The following TMEM132B variants were observed in gnomAD, a reference collection of about 807,000 sequenced individuals.
The protein encoded by TMEM132B is transmembrane protein 132B.
Under a neutral mutation model 90.8 loss-of-function variants are expected in TMEM132B, and 18 were observed. That is an observed-to-expected ratio of 0.20 (90% CI 0.14 to 0.29). The LOEUF is 0.29. Among genes scored for constraint, TMEM132B ranks in the 10% least tolerant of loss-of-function variants. TMEM132B has a pLI of 1.00. For missense variants in TMEM132B, 1,096 were observed against 1,326.8 expected (o/e 0.83, Z 2.70); for synonymous variants, 504 against 523.3 (o/e 0.96, Z 0.50).
intron 1 of TMEM132B, among the ~76,000 whole-genome samples, chr12:125,273,740 A>G (rs1874910356): frequency 6.6e-6 from 1 of 152,172 alleles, no homozygotes; most frequent in African/African-American, 2.4e-5. Flanking sequence ...ATCTTGGCTC[A>G]CTGCAAGCTC....
chr12:125,619,724 C>G (rs958248028), intron 5 of TMEM132B, among the ~76,000 whole-genome samples: 3 of 152,170 alleles, frequency 2.0e-5, no homozygotes, highest in Non-Finnish European at 4.4e-5. Flanking sequence ...ATAGTCTATT[C>G]TGAAGAGCCT....
At chr12:125,432,377 ATATATATATATATATATATATG>A (rs1182791888) in intron 3 of TMEM132B, among the ~76,000 whole-genome samples, 1,869 of 64,440 alleles carry the variant, frequency 0.029, 545 homozygotes, top group Middle Eastern at 0.065. Context: ...ATATATATAT[ATATATATATATATATATATATG>A]TATGTATGTG....
chr12:125,299,788 C>A (rs1875771830), intron 1 of TMEM132B, among the ~76,000 whole-genome samples: 1 of 152,228 alleles, frequency 6.6e-6, no homozygotes, highest in African/African-American at 2.4e-5. Context: ...ACTCTTCTCA[C>A]CCTGGTCTAA....
chr12:125,229,377 G>C (rs1229271260), intron 1 of TMEM132B, among the ~76,000 whole-genome samples: 1 of 152,184 alleles, frequency 6.6e-6, no homozygotes, highest in African/African-American at 2.4e-5. Context: ...AGTGCGGTGA[G>C]TCCTGGCCTC....
At chr12:125,431,675 C>G (rs545411181) in intron 3 of TMEM132B, among the ~76,000 whole-genome samples, 1 of 152,308 alleles carries the variant, frequency 6.6e-6, no homozygotes, top group Admixed American at 6.5e-5. Flanking sequence ...AGGACGGTGG[C>G]TTTTGGGTGC....
At chr12:125,389,346 C>T (rs537961424) in intron 2 of TMEM132B, among the ~76,000 whole-genome samples, 13 of 147,774 alleles carry the variant, frequency 8.8e-5, no homozygotes, top group African/African-American at 3.2e-4. Context: ...CCCTCCCCTC[C>T]CCTCAACTCC....
chr12:125,202,053 C>T (rs1252128459), intron 1 of TMEM132B, among the ~76,000 whole-genome samples: 1 of 152,188 alleles, frequency 6.6e-6, no homozygotes, highest in Non-Finnish European at 1.5e-5. Flanking sequence ...AAACTTTCTC[C>T]TCCCCCTCCC....
intron 1 of TMEM132B, among the ~76,000 whole-genome samples, chr12:125,210,968 A>T (rs1205389992): frequency 6.6e-6 from 1 of 151,900 alleles, no homozygotes; most frequent in Non-Finnish European, 1.5e-5. Context: ...GTCTCAAAAG[A>T]GAAAGTACAG....
intron 3 of TMEM132B, among the ~76,000 whole-genome samples, chr12:125,515,906 ACAAAC>A (rs1883141414): frequency 1.8e-5 from 2 of 113,768 alleles, no homozygotes; most frequent in African/African-American, 9.7e-5. Flanking sequence ...ATTTACACAC[ACAAAC>A]ACATGTACAT....
rs116119782 is a variant in TMEM132B, at chr12:125,225,293, G to A, written c.67+38427G>A. ...ACTGGCCACGTAAGCAGGACCAGCC[G>A]CACCATTTGTAAGGCCCAGTGAGAA... On this transcript the variant is annotated intron_variant, in intron 1 of 8. Coordinates refer to ENST00000682704, the MANE Select transcript of TMEM132B (RefSeq NM_001366854.1). 8.3e-3 allele frequency among the ~76,000 whole-genome samples: 1,260 copies of A among 152,312 alleles called. 17 individuals are homozygous for A. Among genetic ancestry groups the A allele is most frequent in the African/African-American group, 0.029 (1,196 of 41,550 alleles).
At chr12:125,513,355 C>A (rs111452411) in intron 3 of TMEM132B, among the ~76,000 whole-genome samples, 86 of 152,038 alleles carry the variant, frequency 5.7e-4, no homozygotes, top group Non-Finnish European at 1.1e-3. Flanking sequence ...TGCGTGTGTG[C>A]GTGTGAGAGA....
At chr12:125,369,550 A>G (rs1369632724) in intron 2 of TMEM132B, among the ~76,000 whole-genome samples, 1 of 152,204 alleles carries the variant, frequency 6.6e-6, no homozygotes, top group African/African-American at 2.4e-5. Flanking sequence ...CCAACATTTG[A>G]TAGGTTGATA....
intron 1 of TMEM132B, among the ~76,000 whole-genome samples, chr12:125,238,056 A>G (rs1472488555): frequency 6.6e-6 from 1 of 151,786 alleles, no homozygotes; most frequent in Non-Finnish European, 1.5e-5. Flanking sequence ...GCACTTATTT[A>G]TTTTTCTAAA....
intron 5 of TMEM132B, among the ~76,000 whole-genome samples, chr12:125,618,179 A>C (rs957245871): frequency 2.6e-5 from 4 of 152,114 alleles, no homozygotes; most frequent in African/African-American, 9.7e-5. Flanking sequence ...TGGGGACACT[A>C]GCCTCTAGTA....
At chr12:125,362,010 C>T (rs1320037811) in intron 2 of TMEM132B, among the ~76,000 whole-genome samples, 1 of 152,194 alleles carries the variant, frequency 6.6e-6, no homozygotes, top group Non-Finnish European at 1.5e-5. Flanking sequence ...ATGCCATGGC[C>T]TTAGCCCCTG....
At chr12:125,540,259 G>T (rs938959629) in intron 4 of TMEM132B, among the ~76,000 whole-genome samples, 1 of 152,050 alleles carries the variant, frequency 6.6e-6, no homozygotes, top group Admixed American at 6.5e-5. Context: ...TAAATGCTCT[G>T]TGCACACTGA....
intron 4 of TMEM132B, among the ~76,000 whole-genome samples, chr12:125,524,757 A>C (rs560236120): frequency 1.3e-5 from 2 of 152,310 alleles, no homozygotes; most frequent in South Asian, 4.2e-4. Context: ...AGGATGGATG[A>C]TGGTAGGTTC....
chr12:125,519,660 A>G (rs1566061559), intron 4 of TMEM132B, 35 bp downstream of exon 4: 9 of 1,609,424 alleles, frequency 5.6e-6, no homozygotes, highest in Non-Finnish European at 7.6e-6. Flanking sequence ...GAAGTGTCAC[A>G]AAGAAGTTTT....
intron 1 of TMEM132B, among the ~76,000 whole-genome samples, chr12:125,239,821 A>T (rs1181178463): frequency 6.6e-6 from 1 of 152,300 alleles, no homozygotes; most frequent in Non-Finnish European, 1.5e-5. Context: ...GTTGGGGGGA[A>T]GTGGAGAGCA....
Sources: gnomAD v4.1 joint callset for allele counts (sites outside exome capture counted in the v4.1 genomes callset) on GRCh38, gnomAD v4.1.1 for gene constraint, MANE v1.5 for transcripts, NCBI Gene and HGNC (gene_info 2026-07-23, HGNC 2026-07-21) for gene names.